TLE2: variants seen among roughly 807,000 people sequenced by gnomAD.
The protein encoded by TLE2 is transducin-like enhancer protein 2.
TLE2 carries 74 observed loss-of-function variants against 97.2 expected under a neutral mutation model. That is an observed-to-expected ratio of 0.76 (90% CI 0.63 to 0.92). TLE2 has a LOEUF of 0.92. Ranked by LOEUF, TLE2 falls within the 40% of genes least tolerant of loss-of-function variation. TLE2 has a pLI of 0.00. For missense variants in TLE2, 1,038 were observed against 1,008.7 expected (o/e 1.03, Z -0.39); for synonymous variants, 499 against 432.1 (o/e 1.15, Z -1.92).
chr19:3,034,020 G>T (rs2090045374), upstream of TLE2, among the ~76,000 whole-genome samples: 2 of 152,032 alleles, frequency 1.3e-5, 1 homozygote, highest in South Asian at 4.2e-4. Flanking sequence ...ACCACCTCCG[G>T]TTCCTACTCT....
chr19:3,005,868 G>A lies in TLE2; in HGVS notation c.1601C>T (p.Ala534Val), dbSNP rs577839395. ...CTCGGCCTTGATACGGGGGGTGGGC[G>A]CCGCCAGGTCCCAAATGGACAAGGT... Reference protein sequence around the residue: ...ASTLSIWDLAAPTPRIKAELT... With the variant: ...ASTLSIWDLAVPTPRIKAELT... The change falls in exon 16 of 20, where the codon GCG (alanine) becomes GTG (valine). Residue 534 changes from alanine (A) to valine (V), a missense_variant. Physicochemically the swap from Ala to Val is moderately conservative, Grantham distance 64. Coordinates refer to ENST00000262953, the MANE Select transcript of TLE2 (RefSeq NM_003260.5). The A allele has an allele frequency of 1.5e-5, 25 of 1,613,936 alleles. No homozygotes were observed. In the African/African-American group the frequency reaches 1.6e-4, roughly 10 times the overall value.
At chr19:3,010,871 G>T in intron 12 of TLE2, 151 bp downstream of exon 12, 1 of 1,077,548 alleles carries the variant, frequency 9.3e-7, no homozygotes, top group Non-Finnish European at 1.3e-6. Flanking sequence ...CTGCCCAGAG[G>T]GAGGCAGCGT....
chr19:3,023,245 C>G (rs2089881424), intron 5 of TLE2, among the ~76,000 whole-genome samples: 1 of 152,058 alleles, frequency 6.6e-6, no homozygotes, highest in South Asian at 2.1e-4. Flanking sequence ...ACCATACTGG[C>G]CAGGTGGGTC....
intron 11 of TLE2, among the ~76,000 whole-genome samples, chr19:3,011,917 CTTT>C (rs34532454): frequency 2.1e-5 from 3 of 146,328 alleles, no homozygotes; most frequent in Non-Finnish European, 4.5e-5. Context: ...ATTTGCAATT[CTTT>C]TTTTTTTTAA....
In TLE2 at chr19:3,027,820, C is replaced by T. The variant is rs376993401; in HGVS notation, c.231+9G>A. On this transcript the variant is annotated intron_variant, in intron 4 of 19. Transcript: ENST00000262953. ...CCCTCCTGAACACGCGTAACCCCAA[C>T]CCAGTTACCTGCTTATGCATTTCAA... 1.2e-5 allele frequency: 19 copies of T among 1,610,706 alleles called. No individual in the cohort carries two copies. Among genetic ancestry groups the T allele is most frequent in the African/African-American group, 2.7e-5 (2 of 74,866 alleles).
chr19:3,041,045 G>C (rs1221580241), intron 1 of TLE2, among the ~76,000 whole-genome samples: 2 of 14,774 alleles, frequency 1.4e-4, no homozygotes, highest in Non-Finnish European at 1.9e-4. Flanking sequence ...TTTTTTTTTT[G>C]AGACAGAGTC....
chr19:3,041,928 GC>G (rs35474356), intron 1 of TLE2, among the ~76,000 whole-genome samples: 103,366 of 151,836 alleles, frequency 0.68, 36,233 homozygotes, highest in African/African-American at 0.81. Flanking sequence ...TTTGCGGGGG[GC>G]CCCGAGTCCC....
At position 3,002,628 on chromosome 19, in the gene TLE2, T is replaced by G. The variant is rs2089388459; in HGVS notation, c.1897-125A>C. 10 of 1,176,608 alleles carry G rather than the reference T, an allele frequency of 8.5e-6. No homozygotes were observed. In the Admixed American group the frequency reaches 1.1e-4, roughly 13 times the overall value. 72.9% of individuals were successfully genotyped at this position (1,176,608 alleles called of 1,614,324 possible). ...ATCATGGCTCACTGCAGCCTTGACCTCCAGGGCTCAAGAGATCCTCCTGCC... is the reference window on the plus strand; with the variant it reads ...ATCATGGCTCACTGCAGCCTTGACCGCCAGGGCTCAAGAGATCCTCCTGCC... On this transcript the variant is annotated intron_variant, in intron 17 of 19. Transcript: ENST00000262953.
chr19:3,028,246 C>G (rs2089978241), intron 3 of TLE2, 73 bp downstream of exon 3: 1 of 1,478,992 alleles, frequency 6.8e-7, no homozygotes, highest in African/African-American at 1.4e-5. Context: ...GGGCAGGGAC[C>G]TACCCCAGAG....
chr19:3,042,261 G>A (rs1239244719), intron 1 of TLE2, among the ~76,000 whole-genome samples: 2 of 126,132 alleles, frequency 1.6e-5, no homozygotes, highest in Non-Finnish European at 3.4e-5. Flanking sequence ...CCCCCGGGTG[G>A]AGGGGACCCT....
chr19:3,025,632 C>A, intron 4 of TLE2: 1 of 985,692 alleles, frequency 1.0e-6, no homozygotes, highest in Middle Eastern at 5.2e-4. Flanking sequence ...GGGTCTGGGC[C>A]CAGGTGCCCC....
chr19:3,011,649 A>G (rs975953851), intron 11 of TLE2, among the ~76,000 whole-genome samples: 11 of 151,920 alleles, frequency 7.2e-5, no homozygotes, highest in African/African-American at 2.4e-4. Flanking sequence ...CAGGAGTTTG[A>G]GGCCAGCCTG....
intron 8 of TLE2, 43 bp from the exon 9 acceptor site, chr19:3,015,803 T>C: frequency 7.0e-7 from 1 of 1,431,020 alleles, no homozygotes; most frequent in Non-Finnish European, 9.6e-7. Flanking sequence ...GTCAGGGCCC[T>C]GGGCTCCTAG....
chr19:3,006,381 C>T (rs1226247145), intron 15 of TLE2, 39 bp downstream of exon 15: 4 of 1,595,358 alleles, frequency 2.5e-6, no homozygotes, highest in South Asian at 1.1e-5. Context: ...CCCCACCCCT[C>T]ACCTGTGAGT....
intron 18 of TLE2, 142 bp downstream of exon 18, chr19:3,002,211 T>G (rs1373555652): frequency 1.9e-6 from 2 of 1,046,194 alleles, no homozygotes; most frequent in African/African-American, 3.2e-5. Context: ...GGGATATACT[T>G]GTACTAACGA....
At chr19:3,016,458 C>T (rs372554112) in intron 8 of TLE2, among the ~76,000 whole-genome samples, 3 of 144,556 alleles carry the variant, frequency 2.1e-5, no homozygotes, top group Admixed American at 1.4e-4. Flanking sequence ...GGCATGGTGG[C>T]GGGCACTTGT....
intron 1 of TLE2, among the ~76,000 whole-genome samples, chr19:3,038,634 G>A (rs1476623310): frequency 2.0e-5 from 3 of 152,234 alleles, no homozygotes; most frequent in Non-Finnish European, 4.4e-5. Flanking sequence ...AGGGCTGGGC[G>A]TGGTGGCTCA....
At chr19:3,013,426 AG>A (rs2089637281) in intron 11 of TLE2, among the ~76,000 whole-genome samples, 1 of 151,978 alleles carries the variant, frequency 6.6e-6, no homozygotes, top group African/African-American at 2.4e-5. Context: ...CATGTAAGGT[AG>A]TGAATTGCCT....
Position 3,005,528 on chromosome 19 carries a change from G to C in TLE2, c.1805C>G (p.Thr602Ser), listed in dbSNP as rs1429510747. 2 of 1,613,724 alleles carry C rather than the reference G, an allele frequency of 1.2e-6. No homozygotes were observed. Among genetic ancestry groups the C allele is most frequent in the Admixed American group, 1.7e-5 (1 of 59,936 alleles). Residue 602 changes from threonine to serine, a missense_variant, in exon 17 of 20, where the codon ACT (threonine) becomes AGT (serine). By Grantham distance (58) the Thr-to-Ser change is moderately conservative (BLOSUM62 1). Transcript: ENST00000262953. ...GTCCAGGCCCCCTGTCCAGAGCCGA[G>C]TGCCGTAATCGGAAATATCAATGCA... Reference protein sequence around the residue: ...ASCIDISDYGTRLWTGGLDNT... With the variant: ...ASCIDISDYGSRLWTGGLDNT...
Sources: allele counts gnomAD v4.1 joint callset (sites outside exome capture counted in the v4.1 genomes callset), GRCh38; gene constraint gnomAD v4.1.1; transcripts MANE v1.5; gene names NCBI Gene and HGNC (gene_info 2026-07-23, HGNC 2026-07-21).